Variants in GRM7 observed in about 807,000 individuals in gnomAD.
GRM7 encodes glutamate metabotropic receptor 7, also known as metabotropic glutamate receptor 7.
A neutral mutation model predicts 84.5 loss-of-function variants in GRM7; 35 were observed. The observed-to-expected ratio is 0.41, with a 90% confidence interval of 0.32 to 0.55. The LOEUF (loss-of-function observed/expected upper bound fraction) is 0.55, where lower values mean the gene tolerates loss of function less well. GRM7 is among the 20% of genes least tolerant of loss of function. The pLI is 0.19. For missense variants in GRM7, 1,003 were observed against 1,194.6 expected (o/e 0.84, Z 2.36); for synonymous variants, 487 against 455.1 (o/e 1.07, Z -0.89).
chr3:7,414,902 G>A, intron 4 of GRM7, 121 bp from the exon 5 acceptor site: 4 of 604,624 alleles, frequency 6.6e-6, no homozygotes, highest in South Asian at 7.8e-5. Context: ...TTTTTTTTCG[G>A]TCGACACACA....
intron 1 of GRM7, among the ~76,000 whole-genome samples, chr3:7,081,935 T>C (rs1698288405): frequency 6.6e-6 from 1 of 152,076 alleles, no homozygotes. Flanking sequence ...GAAGGAAAGT[T>C]TGGAGCTAGC....
chr3:7,683,489 A>G (rs1700458166), intron 9 of GRM7, among the ~76,000 whole-genome samples: 1 of 152,152 alleles, frequency 6.6e-6, no homozygotes. Flanking sequence ...CACCATGAAA[A>G]CTTAACTAGA....
rs535469198 is a variant in GRM7 at position 7,257,464 on chromosome 3, T to A, written c.737-41220T>A. On this transcript the variant is annotated intron_variant, in intron 2 of 9. Coordinates refer to ENST00000357716, the MANE Select transcript of GRM7 (RefSeq NM_000844.4). ...TAAATACCTTAAGAAGCTCAATTTC[T>A]CACCAGATGGCAGTATTCAGAGATG... Among the ~76,000 whole-genome samples, 3 of 152,326 alleles carry A rather than the reference T, an allele frequency of 2.0e-5. No individual in the cohort carries two copies. The South Asian group carries it at 6.2e-4, about 32-fold the overall frequency.
chr3:7,292,605 T>G (rs1206787549), intron 2 of GRM7, among the ~76,000 whole-genome samples: 2 of 152,118 alleles, frequency 1.3e-5, no homozygotes, highest in Non-Finnish European at 2.9e-5. Flanking sequence ...GTCCTTCAAC[T>G]ATGATGAATA....
chr3:7,100,507 G>A lies in GRM7; in HGVS notation c.520-45945G>A, dbSNP rs1368099788. Among the ~76,000 whole-genome samples the A allele has an allele frequency of 7.9e-5, 12 of 151,888 alleles. No homozygotes were observed. In the East Asian group the frequency reaches 2.1e-3, roughly 27 times the overall value. On this transcript the variant is annotated intron_variant, in intron 1 of 9. Coordinates refer to ENST00000357716, the MANE Select transcript of GRM7 (RefSeq NM_000844.4). ...GCAAAAATACCAGCCTAAATCATAG[G>A]CTAAAATCCCTGCACAGTTTAATGT... is the stretch of plus-strand genomic sequence containing the variant.
intron 5 of GRM7, among the ~76,000 whole-genome samples, chr3:7,427,862 C>G (rs557200906): frequency 1.3e-5 from 2 of 152,322 alleles, no homozygotes; most frequent in East Asian, 3.9e-4. Flanking sequence ...AGGTTAATGA[C>G]ATGACAGGCT....
intron 1 of GRM7, among the ~76,000 whole-genome samples, chr3:7,057,992 G>C (rs1697291521): frequency 6.6e-6 from 1 of 151,874 alleles, no homozygotes; most frequent in Non-Finnish European, 1.5e-5. Context: ...GATAGTCTTT[G>C]ATCAGTTTTT....
intron 4 of GRM7, among the ~76,000 whole-genome samples, chr3:7,326,371 G>C (rs1253264202): frequency 1.3e-5 from 2 of 152,084 alleles, no homozygotes; most frequent in African/African-American, 2.4e-5. Flanking sequence ...TTAAACTGCA[G>C]ATGGTGATGC....
At chr3:7,622,053 T>A (rs1393419178) in intron 8 of GRM7, among the ~76,000 whole-genome samples, 2 of 152,142 alleles carry the variant, frequency 1.3e-5, no homozygotes, top group Non-Finnish European at 2.9e-5. Context: ...AAAAAAGTTG[T>A]CACGGGCTCA....
chr3:6,877,516 C>T (rs188528795), intron 1 of GRM7, among the ~76,000 whole-genome samples: 3 of 152,198 alleles, frequency 2.0e-5, no homozygotes, highest in Non-Finnish European at 4.4e-5. Context: ...ACATGCCAAG[C>T]AAGGGCCTTC....
chr3:7,634,265 A>G (rs997560725), intron 8 of GRM7, among the ~76,000 whole-genome samples: 5 of 152,050 alleles, frequency 3.3e-5, no homozygotes, highest in Non-Finnish European at 4.4e-5. Context: ...CTCCTCATCT[A>G]TTTACCCTGA....
At chr3:7,057,265 A>G (rs1233994664) in intron 1 of GRM7, among the ~76,000 whole-genome samples, 1 of 151,940 alleles carries the variant, frequency 6.6e-6, no homozygotes. Context: ...ATTTAATTAC[A>G]ATAGTTACGA....
At chr3:7,567,253 G>A (rs966698281) in intron 7 of GRM7, among the ~76,000 whole-genome samples, 2 of 152,118 alleles carry the variant, frequency 1.3e-5, no homozygotes, top group Non-Finnish European at 2.9e-5. Context: ...AATATTGTAT[G>A]TTCCCATTAA....
At chr3:7,481,766 C>T (rs530601309) in intron 7 of GRM7, among the ~76,000 whole-genome samples, 34 of 152,240 alleles carry the variant, frequency 2.2e-4, no homozygotes, top group Middle Eastern at 6.8e-3. Context: ...AAGTTCTTAG[C>T]GAACATAGAG....
At chr3:7,241,736 A>G (rs999600484) in intron 2 of GRM7, among the ~76,000 whole-genome samples, 10 of 152,136 alleles carry the variant, frequency 6.6e-5, no homozygotes, top group Admixed American at 3.9e-4. Context: ...AAGCTGGTGC[A>G]TACTTCAGGT....
At chr3:7,274,701 T>C (rs1698988596) in intron 2 of GRM7, among the ~76,000 whole-genome samples, 1 of 152,076 alleles carries the variant, frequency 6.6e-6, no homozygotes, top group Non-Finnish European at 1.5e-5. Flanking sequence ...CATAATTTAC[T>C]ATTTATTTTT....
chr3:7,192,425 A>G (rs923676525), intron 2 of GRM7, among the ~76,000 whole-genome samples: 1 of 151,922 alleles, frequency 6.6e-6, no homozygotes, highest in African/African-American at 2.4e-5. Context: ...ACTTCCTCAA[A>G]TTTTCTACTG....
At chr3:7,053,250 T>C (rs1365651906) in intron 1 of GRM7, among the ~76,000 whole-genome samples, 1 of 151,372 alleles carries the variant, frequency 6.6e-6, no homozygotes, top group Non-Finnish European at 1.5e-5. Flanking sequence ...AGTTATCTTA[T>C]TATTGAATAA....
At position 7,198,169 on chromosome 3, in the gene GRM7, AGAG is replaced by A. The variant is rs1695943509; in HGVS notation, c.736+51502_736+51504del. On this transcript the variant is annotated intron_variant, in intron 2 of 9. Transcript: ENST00000357716. Reference sequence around the variant, plus strand: ...GGATAAAATGTTAAAAAAAAAAAAAAGAGAGAGATGGAAAACAGGCACACTAGC... The same window carrying A: ...GGATAAAATGTTAAAAAAAAAAAAAAAGAGATGGAAAACAGGCACACTAGC... 9.3e-5 allele frequency among the ~76,000 whole-genome samples: 12 copies of A among 129,700 alleles called. 1 individual carries two copies. The South Asian group carries it at 2.7e-3, about 29-fold the overall frequency. The allele number at this position is 129,700 out of a possible 152,430, so 85.1% of individuals were successfully genotyped here. A position where few individuals can be genotyped will look rare whatever the true frequency, so the allele number is the denominator to read the frequency against.
Sources: gnomAD v4.1 joint callset for allele counts (sites outside exome capture counted in the v4.1 genomes callset) on GRCh38, gnomAD v4.1.1 for gene constraint, MANE v1.5 for transcripts, NCBI Gene and HGNC (gene_info 2026-07-23, HGNC 2026-07-21) for gene names.